Variants in ACOT7 observed in about 807,000 individuals in gnomAD.
ACOT7 encodes the protein acyl-CoA thioesterase 7, also known as cytosolic acyl coenzyme A thioester hydrolase.
ACOT7 carries 12 observed loss-of-function variants against 40.2 expected under a neutral mutation model. That is an observed-to-expected ratio of 0.30 (90% CI 0.19 to 0.48). ACOT7 has a LOEUF of 0.48. Among genes scored for constraint, ACOT7 ranks in the 20% least tolerant of loss-of-function variants. The pLI, the probability that ACOT7 is intolerant of heterozygous loss-of-function variation, is 0.99. For missense variants in ACOT7, 395 were observed against 530.8 expected (o/e 0.74, Z 2.51); for synonymous variants, 228 against 219.5 (o/e 1.04, Z -0.34).
intron 1 of ACOT7, among the ~76,000 whole-genome samples, chr1:6,357,482 T>C (rs896343958): frequency 6.6e-6 from 1 of 152,184 alleles, no homozygotes; most frequent in Non-Finnish European, 1.5e-5. Context: ...ACCAGGTGCG[T>C]GTGCTCCACC....
chr1:6,327,999 C>G (rs1247467435), intron 4 of ACOT7, among the ~76,000 whole-genome samples: 3 of 152,266 alleles, frequency 2.0e-5, no homozygotes, highest in Admixed American at 2.0e-4. Flanking sequence ...ATCTTGATCT[C>G]TTGACCTTGC....
chr1:6,340,601 GT>G (rs1375890719), intron 2 of ACOT7, among the ~76,000 whole-genome samples: 3 of 152,128 alleles, frequency 2.0e-5, no homozygotes, highest in Non-Finnish European at 4.4e-5. Context: ...TGTCTCACTT[GT>G]TCGTCTGCCT....
At chr1:6,268,205 C>A (rs1449919306) in intron 8 of ACOT7, among the ~76,000 whole-genome samples, 1 of 152,036 alleles carries the variant, frequency 6.6e-6, no homozygotes, top group Non-Finnish European at 1.5e-5. Context: ...GAATCGTATC[C>A]TGGAAGTGGG....
chr1:6,387,062 G>C (rs1376309745), intron 1 of ACOT7, among the ~76,000 whole-genome samples: 1 of 152,078 alleles, frequency 6.6e-6, no homozygotes, highest in Non-Finnish European at 1.5e-5. Context: ...GGTAATACAG[G>C]GCTACGGGGA....
rs537699781 is a variant in ACOT7 at position 6,325,025 on chromosome 1, A to G, written c.625+2274T>C. Among the ~76,000 whole-genome samples, 5 of 152,316 alleles carry G rather than the reference A, an allele frequency of 3.3e-5. No individual in the cohort carries two copies. In the South Asian group the frequency reaches 8.3e-4, roughly 25 times the overall value. ...GCCCTCCCAAAAGCACGGCCTGGGC[A>G]CTGCCTGCCCCAGCACGTGCCTCCA... is the stretch of plus-strand genomic sequence containing the variant. On this transcript the variant is annotated intron_variant, in intron 5 of 8. Transcript: ENST00000361521.
At position 6,370,965 on chromosome 1, in the gene ACOT7, T is replaced by G. The variant is rs557592029; in HGVS notation, c.144-21099A>C. 2.0e-5 allele frequency among the ~76,000 whole-genome samples: 3 copies of G among 151,684 alleles called. No homozygotes were observed. In the East Asian group the frequency reaches 5.9e-4, roughly 30 times the overall value. ...AGCTGGGATTATAGGCGCCTGCCAC[T>G]GCGCCTGGCTAATTTTTATATTTTT... On this transcript the variant is annotated intron_variant, in intron 1 of 8. Coordinates refer to ENST00000361521, the MANE Select transcript of ACOT7 (RefSeq NM_007274.4).
In ACOT7 at chr1:6,349,843, T is replaced by C. The variant is rs1361413008; in HGVS notation, c.167A>G (p.Asn56Ser). 1.2e-6 allele frequency: 2 copies of C among 1,614,024 alleles called. No individual in the cohort carries two copies. Among genetic ancestry groups the C allele is most frequent in the Non-Finnish European group, 1.7e-6 (2 of 1,180,034 alleles). ...ICRIMRPDDA[N>S]VAGNVHGGTI... ...CCCCCCGTGGACATTGCCGGCCACGTTGGCATCATCTGGCCGCATGATCCT... is the reference window on the plus strand; with the variant it reads ...CCCCCCGTGGACATTGCCGGCCACGCTGGCATCATCTGGCCGCATGATCCT... Residue 56 changes from asparagine to serine, a missense_variant, in exon 2 of 9, where the codon AAC (asparagine) becomes AGC (serine). Transcript: ENST00000361521.
intron 1 of ACOT7, among the ~76,000 whole-genome samples, chr1:6,366,658 A>T (rs1571346357): frequency 6.7e-6 from 1 of 150,294 alleles, no homozygotes; most frequent in Non-Finnish European, 1.5e-5. Flanking sequence ...AGTAGAACTT[A>T]CTTTTTTTTT....
rs914160887 is a variant in ACOT7, at chr1:6,338,775, C to G, written c.418+658G>C. Among the ~76,000 whole-genome samples the G allele has an allele frequency of 6.6e-6, 1 of 152,054 alleles. No individual in the cohort carries two copies. The highest frequency in any genetic ancestry group is 1.5e-5 in the Non-Finnish European group (1 of 68,002). On this transcript the variant is annotated intron_variant, in intron 3 of 8. Transcript: ENST00000361521. The surrounding 1 kb of genome is among the most constrained non-coding windows in gnomAD (Gnocchi z 4.4). ...GACCTGGGAGGTGGCAGGGAGAGGA[C>G]CAGGGGCAGGGGAAGAGGCCCGCCT...
At chr1:6,309,120 G>A (rs1263746156) in intron 6 of ACOT7, among the ~76,000 whole-genome samples, 8 of 152,214 alleles carry the variant, frequency 5.3e-5, no homozygotes, top group Non-Finnish European at 1.0e-4. Context: ...CAAAACAGAC[G>A]TGGTCTCCAG....
chr1:6,374,149 G>A (rs774625652), intron 1 of ACOT7, among the ~76,000 whole-genome samples: 1 of 152,238 alleles, frequency 6.6e-6, no homozygotes, highest in Non-Finnish European at 1.5e-5. Flanking sequence ...GGCAGCAGGT[G>A]CGATGAAGTC....
chr1:6,364,607 T>C (rs1317765966), intron 1 of ACOT7, among the ~76,000 whole-genome samples: 2 of 151,100 alleles, frequency 1.3e-5, no homozygotes, highest in East Asian at 3.9e-4. Context: ...CCCAGCACTT[T>C]GGGAGGCCGA....
At chr1:6,308,208 ACAGGCAGAGGGAACCACGAC>A (rs1453332551) in intron 6 of ACOT7, among the ~76,000 whole-genome samples, 3 of 149,252 alleles carry the variant, frequency 2.0e-5, no homozygotes, top group Admixed American at 6.6e-5. Context: ...AGGAACAGCA[ACAGGCAGAGGGAACCACGAC>A]CAGGCAGAGG....
rs1639397086 is a variant in ACOT7 at position 6,282,930 on chromosome 1, C to T, written c.830-1644G>A. 3.9e-6 allele frequency: 2 copies of T among 516,474 alleles called. No homozygotes were observed. Among genetic ancestry groups the T allele is most frequent in the African/African-American group, 2.0e-5 (1 of 50,928 alleles). The allele number at this position is 516,474 out of a possible 1,614,324, so 32.0% of individuals were successfully genotyped here. On this transcript the variant is annotated intron_variant, in intron 7 of 8. Transcript: ENST00000361521. This position sits in a 1 kb window ranked among gnomAD's most constrained non-coding sequence, Gnocchi z 4.5. ...GTCAGACCTGAGGGTCTCCCAGCATCTCTGCCTCCTTCCTCACAATGCCCA... is the reference window on the plus strand; with the variant it reads ...GTCAGACCTGAGGGTCTCCCAGCATTTCTGCCTCCTTCCTCACAATGCCCA...
chr1:6,332,829 AAAAAAAAAC>A (rs1018523722), intron 4 of ACOT7, among the ~76,000 whole-genome samples: 26 of 106,628 alleles, frequency 2.4e-4, no homozygotes, highest in South Asian at 8.1e-4. Flanking sequence ...TCAAAAAAAC[AAAAAAAAAC>A]AAAAAAAACA....
intron 6 of ACOT7, among the ~76,000 whole-genome samples, chr1:6,304,733 TC>T (rs1214393456): frequency 7.6e-6 from 1 of 132,284 alleles, no homozygotes; most frequent in Non-Finnish European, 1.6e-5. Flanking sequence ...ATCAACAGGA[TC>T]CCAAGGCAGA....
intron 6 of ACOT7, among the ~76,000 whole-genome samples, chr1:6,314,164 C>T (rs1239450697): frequency 6.6e-6 from 1 of 152,130 alleles, no homozygotes; most frequent in African/African-American, 2.4e-5. Flanking sequence ...CATTGGCTTT[C>T]GTAGTAACAC....
intron 6 of ACOT7, among the ~76,000 whole-genome samples, chr1:6,310,913 T>C (rs894705594): frequency 6.6e-6 from 1 of 152,134 alleles, no homozygotes; most frequent in African/African-American, 2.4e-5. Context: ...AATTTTTGTA[T>C]TTTTAGTAGA....
At chr1:6,297,959 TTA>T (rs1639858415) in intron 6 of ACOT7, among the ~76,000 whole-genome samples, 2 of 152,206 alleles carry the variant, frequency 1.3e-5, no homozygotes, top group Admixed American at 6.5e-5. Context: ...GATTAAAGCA[TTA>T]TGTTTTTATT....
Sources: gnomAD v4.1 joint callset for allele counts (sites outside exome capture counted in the v4.1 genomes callset) on GRCh38, gnomAD v4.1.1 for gene constraint, Gnocchi (gnomAD v3.1) non-coding constraint, MANE v1.5 for transcripts, NCBI Gene and HGNC (gene_info 2026-07-23, HGNC 2026-07-21) for gene names.